Variants in TBCE observed in about 807,000 individuals in gnomAD.
The protein encoded by TBCE is tubulin folding cofactor E.
A neutral mutation model predicts 77.0 loss-of-function variants in TBCE; 53 were observed. That is an observed-to-expected ratio of 0.69 (90% CI 0.55 to 0.87). The LOEUF (loss-of-function observed/expected upper bound fraction) is 0.87, where lower values mean the gene tolerates loss of function less well. Ranked by LOEUF, TBCE falls within the 40% of genes least tolerant of loss-of-function variation. The pLI is 0.00. For missense variants in TBCE, 624 were observed against 622.4 expected (o/e 1.00, Z -0.03); for synonymous variants, 235 against 241.3 (o/e 0.97, Z 0.24).
chr1:235,384,041 G>C (rs1677842305), intron 2 of TBCE, among the ~76,000 whole-genome samples: 2 of 151,340 alleles, frequency 1.3e-5, no homozygotes, highest in African/African-American at 4.9e-5. Flanking sequence ...GTTGAATTTT[G>C]TCAAAGGCCT....
intron 1 of TBCE, among the ~76,000 whole-genome samples, chr1:235,372,929 A>G (rs1302584968): frequency 6.6e-6 from 1 of 151,096 alleles, no homozygotes; most frequent in Non-Finnish European, 1.5e-5. Context: ...GTCTAAAAAA[A>G]AAAAAAAAAA....
At chr1:235,374,439 A>G (rs926462900) in intron 1 of TBCE, among the ~76,000 whole-genome samples, 1 of 146,080 alleles carries the variant, frequency 6.8e-6, no homozygotes, top group Non-Finnish European at 1.5e-5. Flanking sequence ...CCTGGTAGAG[A>G]GGTTTGGGAG....
intron 15 of TBCE, among the ~76,000 whole-genome samples, chr1:235,446,090 G>C (rs748777350): frequency 6.6e-6 from 1 of 152,208 alleles, no homozygotes; most frequent in Non-Finnish European, 1.5e-5. Context: ...TATGGCTAGA[G>C]GACATGGCAT....
At chr1:235,428,831 A>G (rs2102909445) in intron 6 of TBCE, among the ~76,000 whole-genome samples, 1 of 150,704 alleles carries the variant, frequency 6.6e-6, no homozygotes, top group Admixed American at 6.6e-5. Flanking sequence ...TTTACTAGAG[A>G]CGGGGTTTCA....
intron 3 of TBCE, among the ~76,000 whole-genome samples, chr1:235,405,307 A>G (rs1679353594): frequency 7.1e-6 from 1 of 141,454 alleles, no homozygotes; most frequent in Non-Finnish European, 1.5e-5. Flanking sequence ...GCCTGAGGGT[A>G]GTTTACAATT....
intron 13 of TBCE, among the ~76,000 whole-genome samples, chr1:235,440,172 G>A (rs369732584): frequency 1.4e-4 from 21 of 152,020 alleles, no homozygotes; most frequent in Middle Eastern, 3.4e-3. Context: ...GGGTTTCACC[G>A]TGTTAGCCAG....
intron 13 of TBCE, chr1:235,441,274 A>AG (rs1681861175): frequency 6.3e-6 from 1 of 158,426 alleles, no homozygotes; most frequent in Non-Finnish European, 1.4e-5. Context: ...TCTCCTGTGG[A>AG]GGCTGTGGTC....
intron 5 of TBCE, among the ~76,000 whole-genome samples, chr1:235,420,163 G>A (rs1170926108): frequency 6.6e-6 from 1 of 152,200 alleles, no homozygotes; most frequent in Non-Finnish European, 1.5e-5. Context: ...TTGAGCGGAT[G>A]GAAAGCCCAG....
chr1:235,391,674 T>C (rs185160503), intron 2 of TBCE, among the ~76,000 whole-genome samples: 206 of 142,096 alleles, frequency 1.4e-3, no homozygotes, highest in Non-Finnish European at 2.4e-3. Flanking sequence ...TGGTACGATC[T>C]CTGCTCACTG....
chr1:235,372,605 G>A (rs1677035023), intron 1 of TBCE, among the ~76,000 whole-genome samples: 1 of 151,950 alleles, frequency 6.6e-6, no homozygotes, highest in African/African-American at 2.4e-5. Flanking sequence ...AGCATAGAGA[G>A]ATCCCTTCTC....
rs1386340046 is a variant in TBCE, at chr1:235,434,287, A to G, written c.737+7A>G. ...ACATTTTCATTTCCGAAAGGTAACTAGCACTTACTTAAATGCATCTATCCC... is the reference window on the plus strand; with the variant it reads ...ACATTTTCATTTCCGAAAGGTAACTGGCACTTACTTAAATGCATCTATCCC... On this transcript the variant is annotated splice_region_variant and intron_variant, in intron 8 of 16. Transcript: ENST00000642610. 6.2e-7 allele frequency: 1 copy of G among 1,611,780 alleles called. No individual in the cohort carries two copies. Among genetic ancestry groups the G allele is most frequent in the Admixed American group, 1.7e-5 (1 of 60,016 alleles).
intron 7 of TBCE, 172 bp from the exon 8 acceptor site, chr1:235,434,032 A>C: frequency 1.5e-6 from 1 of 651,164 alleles, no homozygotes. Flanking sequence ...TTAACATTTT[A>C]TTTATCACCC....
chr1:235,424,279 G>A (rs1680571821), intron 5 of TBCE, among the ~76,000 whole-genome samples: 1 of 151,480 alleles, frequency 6.6e-6, no homozygotes, highest in Admixed American at 6.6e-5. Context: ...AGTGCGGGTG[G>A]TGGCTGTCAC....
intron 5 of TBCE, among the ~76,000 whole-genome samples, chr1:235,425,359 C>G (rs1339537590): frequency 6.6e-6 from 1 of 152,144 alleles, no homozygotes; most frequent in Non-Finnish European, 1.5e-5. Context: ...TCAGACGCCC[C>G]CTCTGACATG....
At chr1:235,414,858 T>C (rs1680024467) in intron 4 of TBCE, 1 of 493,544 alleles carries the variant, frequency 2.0e-6, no homozygotes, top group East Asian at 3.8e-5. Flanking sequence ...TGGCCCATTA[T>C]TACTATTCAC....
At chr1:235,407,781 C>G (rs1204661370) in intron 3 of TBCE, among the ~76,000 whole-genome samples, 1 of 152,204 alleles carries the variant, frequency 6.6e-6, no homozygotes, top group Non-Finnish European at 1.5e-5. Context: ...TACTCCTGCT[C>G]TCTACTTCTT....
At chr1:235,373,965 T>A in intron 1 of TBCE, among the ~76,000 whole-genome samples, 1 of 145,822 alleles carries the variant, frequency 6.9e-6, no homozygotes, top group Admixed American at 6.8e-5. Context: ...TTTTATTTTT[T>A]AAATTTTAAA....
At chr1:235,407,926 C>CTG (rs1558367307) in intron 3 of TBCE, among the ~76,000 whole-genome samples, 3 of 151,978 alleles carry the variant, frequency 2.0e-5, no homozygotes, top group Non-Finnish European at 2.9e-5. Context: ...CTGAACAGAG[C>CTG]TGTGTGTGTC....
At chr1:235,376,847 G>A (rs1677325867) in intron 1 of TBCE, among the ~76,000 whole-genome samples, 1 of 152,012 alleles carries the variant, frequency 6.6e-6, no homozygotes, top group East Asian at 1.9e-4. Flanking sequence ...GGTGGCGGCC[G>A]CCTGTAATCC....
Sources: allele counts gnomAD v4.1 joint callset (sites outside exome capture counted in the v4.1 genomes callset), GRCh38; gene constraint gnomAD v4.1.1; transcripts MANE v1.5; gene names NCBI Gene and HGNC (gene_info 2026-07-23, HGNC 2026-07-21).